Variants in TMEM182 observed in about 807,000 individuals in gnomAD.
The protein encoded by TMEM182 is transmembrane protein 182.
A neutral mutation model predicts 26.8 loss-of-function variants in TMEM182; 20 were observed. That is an observed-to-expected ratio of 0.75 (90% CI 0.53 to 1.09). The LOEUF is 1.09. TMEM182 is among the 50% of genes least tolerant of loss of function. TMEM182 has a pLI of 0.00. For missense variants in TMEM182, 277 were observed against 275.5 expected (o/e 1.01, Z -0.04); for synonymous variants, 109 against 102.2 (o/e 1.07, Z -0.40).
intron 1 of TMEM182, among the ~76,000 whole-genome samples, chr2:102,754,998 A>G (rs1227332694): frequency 7.2e-5 from 11 of 152,232 alleles, no homozygotes; most frequent in Admixed American, 7.2e-4. Flanking sequence ...AATGTTATTG[A>G]TCTTAGTGGA....
rs957471052 is a variant in TMEM182 at position 102,815,029 on chromosome 2, A to C, written c.*61A>C. 47 of 1,577,806 alleles carry C rather than the reference A, an allele frequency of 3.0e-5. 1 individual carries two copies. The highest frequency in any genetic ancestry group is 7.2e-5 in the Admixed American group (4 of 55,356). On this transcript the variant is annotated 3_prime_UTR_variant, in exon 5 of 5. Coordinates refer to ENST00000412401, the MANE Select transcript of TMEM182 (RefSeq NM_144632.5). ...TTAAAACAAGGAATACTTTTTTTCC[A>C]TTTTGTTTCATTGATCCCAGCATAA...
At chr2:102,787,726 A>G (rs1007918338) in intron 3 of TMEM182, among the ~76,000 whole-genome samples, 1 of 152,254 alleles carries the variant, frequency 6.6e-6, no homozygotes, top group Non-Finnish European at 1.5e-5. Context: ...CAGAGGGATC[A>G]GTGCCAAGCA....
chr2:102,760,137 A>G (rs989219915), upstream of TMEM182, among the ~76,000 whole-genome samples: 1 of 152,242 alleles, frequency 6.6e-6, no homozygotes, highest in Non-Finnish European at 1.5e-5. Flanking sequence ...TGAAAATTGT[A>G]GGAAAAAACC....
intron 1 of TMEM182, among the ~76,000 whole-genome samples, chr2:102,745,081 A>G (rs1046745609): frequency 6.6e-6 from 1 of 151,628 alleles, no homozygotes; most frequent in African/African-American, 2.4e-5. Context: ...CAGATGTTGG[A>G]TAGTGTATTC....
intron 3 of TMEM182, among the ~76,000 whole-genome samples, chr2:102,779,637 A>T (rs557480407): frequency 6.6e-6 from 1 of 151,854 alleles, no homozygotes; most frequent in Admixed American, 6.6e-5. Context: ...TTTTCATTTT[A>T]GTAATTATAT....
chr2:102,839,663 A>G (rs1683311537), intron 3 of TMEM182, among the ~76,000 whole-genome samples: 1 of 152,096 alleles, frequency 6.6e-6, no homozygotes, highest in South Asian at 2.1e-4. Flanking sequence ...TTTTTAGGTA[A>G]AAATTGAAAT....
chr2:102,737,438 C>T (rs898078522), intron 1 of TMEM182, among the ~76,000 whole-genome samples: 4 of 152,044 alleles, frequency 2.6e-5, no homozygotes, highest in Non-Finnish European at 4.4e-5. Flanking sequence ...AATAAAAATA[C>T]TAAACATGCA....
downstream of TMEM182, among the ~76,000 whole-genome samples, chr2:102,822,465 A>C (rs1034319159): frequency 1.3e-5 from 2 of 152,182 alleles, no homozygotes; most frequent in Non-Finnish European, 2.9e-5. Context: ...AAAAAAGGTG[A>C]TCTTTGGAGA....
intron 3 of TMEM182, among the ~76,000 whole-genome samples, chr2:102,797,461 T>G (rs1203654219): frequency 7.9e-5 from 12 of 152,198 alleles, no homozygotes; most frequent in Non-Finnish European, 8.8e-5. Context: ...ATAATGTGAA[T>G]GCATTTACAT....
At chr2:102,827,669 C>T (rs1006035157) in intron 3 of TMEM182, among the ~76,000 whole-genome samples, 2 of 152,180 alleles carry the variant, frequency 1.3e-5, no homozygotes, top group Non-Finnish European at 2.9e-5. Context: ...TTTGGAGGTG[C>T]GGTTGAGTGC....
chr2:102,768,560 G>A (rs1680551360), intron 3 of TMEM182, among the ~76,000 whole-genome samples: 1 of 151,572 alleles, frequency 6.6e-6, no homozygotes, highest in African/African-American at 2.4e-5. Flanking sequence ...AATTAGCCAG[G>A]AGGGGTGGTG....
intron 4 of TMEM182, among the ~76,000 whole-genome samples, chr2:102,811,531 C>T (rs1682554614): frequency 3.9e-5 from 6 of 152,110 alleles, no homozygotes; most frequent in Admixed American, 3.9e-4. Flanking sequence ...TATTTCTTCT[C>T]CGAATTATTT....
At chr2:102,768,136 A>G (rs1156656628) in intron 3 of TMEM182, among the ~76,000 whole-genome samples, 1 of 152,200 alleles carries the variant, frequency 6.6e-6, no homozygotes, top group Non-Finnish European at 1.5e-5. Context: ...GATAATTCAT[A>G]GCACAGTTTT....
intron 3 of TMEM182, among the ~76,000 whole-genome samples, chr2:102,768,414 A>G (rs1484518364): frequency 6.6e-6 from 1 of 151,984 alleles, no homozygotes; most frequent in Non-Finnish European, 1.5e-5. Flanking sequence ...TTGGCCAGGC[A>G]TGGTAGCCAA....
downstream of TMEM182, among the ~76,000 whole-genome samples, chr2:102,822,278 A>C (rs568866872): frequency 1.1e-4 from 17 of 152,308 alleles, no homozygotes; most frequent in Non-Finnish European, 1.8e-4. Flanking sequence ...TCCTCTGTGC[A>C]CTGGAGAACC....
At chr2:102,743,747 T>C (rs943769507) in intron 1 of TMEM182, among the ~76,000 whole-genome samples, 6 of 151,958 alleles carry the variant, frequency 3.9e-5, no homozygotes, top group Non-Finnish European at 7.4e-5. Flanking sequence ...ATAAAACATA[T>C]TAAAAATAAA....
intron 3 of TMEM182, among the ~76,000 whole-genome samples, chr2:102,779,493 G>T (rs1681068656): frequency 6.6e-6 from 1 of 152,098 alleles, no homozygotes; most frequent in Non-Finnish European, 1.5e-5. Context: ...CTACAGATCT[G>T]TCAGTTTTTG....
At chr2:102,820,453 T>C (rs1682896824), downstream of TMEM182, among the ~76,000 whole-genome samples, 1 of 152,200 alleles carries the variant, frequency 6.6e-6, no homozygotes. Flanking sequence ...AAAAATAACT[T>C]TGACTTTATC....
chr2:102,795,545 G>C (rs1382138472), intron 3 of TMEM182, among the ~76,000 whole-genome samples: 1 of 152,140 alleles, frequency 6.6e-6, no homozygotes, highest in African/African-American at 2.4e-5. Context: ...ATGTGATGCT[G>C]TTTGTGCTGT....
Sources: allele counts gnomAD v4.1 joint callset (sites outside exome capture counted in the v4.1 genomes callset), GRCh38; gene constraint gnomAD v4.1.1; transcripts MANE v1.5; gene names NCBI Gene and HGNC (gene_info 2026-07-23, HGNC 2026-07-21).